Variants in PTPRD observed in about 807,000 individuals in gnomAD.
PTPRD encodes protein tyrosine phosphatase receptor type D.
PTPRD carries 34 observed loss-of-function variants against 214.5 expected under a neutral mutation model. The ratio of observed to expected loss-of-function variants is 0.16; its 90% CI spans 0.12 to 0.21. The LOEUF (loss-of-function observed/expected upper bound fraction) is 0.21, where lower values mean the gene tolerates loss of function less well. Among genes scored for constraint, PTPRD ranks in the 10% least tolerant of loss-of-function variants. The pLI, the probability that PTPRD is intolerant of heterozygous loss-of-function variation, is 1.00. For synonymous variants in PTPRD, 1,128 were observed against 845.7 expected (o/e 1.33, Z -5.79); for missense variants, 2,545 against 2,398.7 (o/e 1.06, Z -1.27).
In PTPRD at chr9:8,361,290, G is replaced by C. The variant is rs1440944098; in HGVS notation, c.4661+14646C>G. 2.6e-5 allele frequency among the ~76,000 whole-genome samples: 4 copies of C among 152,192 alleles called. No homozygotes were observed. The South Asian group carries it at 8.3e-4, about 31-fold the overall frequency. On this transcript the variant is annotated intron_variant, in intron 39 of 45. Transcript: ENST00000381196. ...TTAGAATGTCAAATAACAGGCAGTG[G>C]TGGAGGCTTTGATGAACTGAGCCTA... is the stretch of plus-strand genomic sequence containing the variant.
At chr9:9,832,891 ATG>A (rs1388289571) in intron 5 of PTPRD, among the ~76,000 whole-genome samples, 2 of 142,162 alleles carry the variant, frequency 1.4e-5, no homozygotes, top group Non-Finnish European at 3.0e-5. Context: ...CTTTTTTTCT[ATG>A]TTTTTTTTTT....
intron 36 of PTPRD, among the ~76,000 whole-genome samples, chr9:8,402,455 G>T (rs187144295): frequency 6.6e-6 from 1 of 152,152 alleles, no homozygotes; most frequent in African/African-American, 2.4e-5. Flanking sequence ...CAGCGAAGTG[G>T]TAGTTATTGA....
intron 7 of PTPRD, among the ~76,000 whole-genome samples, chr9:9,623,428 A>G (rs1384514762): frequency 6.6e-6 from 1 of 152,230 alleles, no homozygotes; most frequent in Non-Finnish European, 1.5e-5. Context: ...AGCATGCAGT[A>G]TAACAATGTG....
chr9:8,442,480 T>G lies in PTPRD; in HGVS notation c.3989-5791A>C, dbSNP rs537141821. 2.6e-5 allele frequency among the ~76,000 whole-genome samples: 4 copies of G among 152,330 alleles called. No individual in the cohort carries two copies. In the East Asian group the frequency reaches 7.7e-4, roughly 29 times the overall value. ...TGTCACTATATACGTGTGTTTGTAA[T>G]GACTCAGTAACAGTCTCTTCATGAT... On this transcript the variant is annotated intron_variant, in intron 34 of 45. Coordinates refer to ENST00000381196, the MANE Select transcript of PTPRD (RefSeq NM_002839.4).
chr9:8,588,729 C>G (rs1236032525), intron 14 of PTPRD, among the ~76,000 whole-genome samples: 2 of 151,786 alleles, frequency 1.3e-5, no homozygotes, highest in African/African-American at 4.8e-5. Context: ...GCAAAGAAAA[C>G]CAGACACTAC....
intron 7 of PTPRD, among the ~76,000 whole-genome samples, chr9:9,701,135 G>A (rs755625835): frequency 6.6e-6 from 1 of 152,058 alleles, no homozygotes; most frequent in South Asian, 2.1e-4. Flanking sequence ...GGCATTGAGA[G>A]ATGTGTATAA....
intron 3 of PTPRD, among the ~76,000 whole-genome samples, chr9:10,295,904 C>G (rs766197521): frequency 6.6e-6 from 1 of 151,978 alleles, no homozygotes; most frequent in Non-Finnish European, 1.5e-5. Flanking sequence ...GAAGGGAGAG[C>G]AATTAACGGC....
intron 10 of PTPRD, among the ~76,000 whole-genome samples, chr9:9,117,826 T>A (rs1259686782): frequency 6.6e-6 from 1 of 151,988 alleles, no homozygotes; most frequent in Non-Finnish European, 1.5e-5. Flanking sequence ...TCCCATTGCT[T>A]GAAAAACCAA....
At chr9:8,841,234 C>G (rs1006641648) in intron 11 of PTPRD, among the ~76,000 whole-genome samples, 36 of 152,112 alleles carry the variant, frequency 2.4e-4, no homozygotes, top group Non-Finnish European at 1.5e-5. Context: ...AATTAAAAAA[C>G]CAAGACTTGA....
At chr9:9,223,305 C>T (rs897622828) in intron 9 of PTPRD, among the ~76,000 whole-genome samples, 2 of 151,874 alleles carry the variant, frequency 1.3e-5, no homozygotes, top group African/African-American at 4.8e-5. Flanking sequence ...GTGATTATTT[C>T]ATGAAAACCA....
chr9:8,969,449 A>T (rs1326306229), intron 11 of PTPRD, among the ~76,000 whole-genome samples: 1 of 152,066 alleles, frequency 6.6e-6, no homozygotes, highest in Non-Finnish European at 1.5e-5. Context: ...TGTTTGTGTT[A>T]TTGAAGAGTT....
At chr9:8,882,099 G>A (rs1353177629) in intron 11 of PTPRD, among the ~76,000 whole-genome samples, 2 of 152,160 alleles carry the variant, frequency 1.3e-5, no homozygotes, top group African/African-American at 2.4e-5. Context: ...TGGAAAAAGT[G>A]TGTTAGAGCA....
At chr9:8,809,559 T>C (rs1320746317) in intron 11 of PTPRD, among the ~76,000 whole-genome samples, 1 of 152,214 alleles carries the variant, frequency 6.6e-6, no homozygotes, top group African/African-American at 2.4e-5. Context: ...TTTCCACTTC[T>C]TAAAGATTTA....
intron 9 of PTPRD, among the ~76,000 whole-genome samples, chr9:9,261,675 T>TGTGTGC (rs67270840): frequency 1.4e-5 from 2 of 147,308 alleles, no homozygotes; most frequent in Admixed American, 6.9e-5. Flanking sequence ...TGTGTGTGTG[T>TGTGTGC]TCAGGAGGGA....
chr9:9,670,521 A>C (rs2096807425), intron 7 of PTPRD, among the ~76,000 whole-genome samples: 3 of 152,226 alleles, frequency 2.0e-5, no homozygotes. Flanking sequence ...AAAACGGAAA[A>C]TGTCTCTAGG....
At chr9:9,565,101 C>G (rs1160955572) in intron 8 of PTPRD, among the ~76,000 whole-genome samples, 1 of 151,416 alleles carries the variant, frequency 6.6e-6, no homozygotes, top group Non-Finnish European at 1.5e-5. Context: ...AAGTTATATT[C>G]AAATATTTTA....
At chr9:9,828,443 T>C (rs568847295) in intron 5 of PTPRD, among the ~76,000 whole-genome samples, 109 of 152,138 alleles carry the variant, frequency 7.2e-4, no homozygotes, top group Non-Finnish European at 1.2e-3. Flanking sequence ...TAGGTGGGAA[T>C]TGAACAATGA....
rs188917310 is a variant in PTPRD at position 8,337,622 on chromosome 9, T to C, written c.5379+1300A>G. On this transcript the variant is annotated intron_variant, in intron 43 of 45. Transcript: ENST00000381196. ...TCCAGGAGCACAGACAAACAGCAAA[T>C]GTAGTAGCTAAGAAAATTATACAAT... Among the ~76,000 whole-genome samples, 150 of 151,150 alleles carry C rather than the reference T, an allele frequency of 9.9e-4. 1 individual carries two copies. Among genetic ancestry groups the C allele is most frequent in the African/African-American group, 3.4e-3 (139 of 41,100 alleles).
At chr9:8,705,451 C>T (rs897557017) in intron 12 of PTPRD, among the ~76,000 whole-genome samples, 6 of 152,182 alleles carry the variant, frequency 3.9e-5, no homozygotes, top group African/African-American at 1.4e-4. Flanking sequence ...CAGAGGAGCA[C>T]ATACAAGAAA....
Sources: allele counts gnomAD v4.1 joint callset (sites outside exome capture counted in the v4.1 genomes callset), GRCh38; gene constraint gnomAD v4.1.1; transcripts MANE v1.5; gene names NCBI Gene and HGNC (gene_info 2026-07-23, HGNC 2026-07-21).